HAT1: variants seen among roughly 807,000 people sequenced by gnomAD.
HAT1 encodes histone acetyltransferase type B catalytic subunit.
In HAT1, 20 loss-of-function variants were observed where a neutral mutation model predicts 56.6. The ratio of observed to expected loss-of-function variants is 0.35; its 90% CI spans 0.25 to 0.51. The LOEUF is 0.51. Ranked by LOEUF, HAT1 falls within the 20% of genes least tolerant of loss-of-function variation. The probability of loss-of-function intolerance (pLI) is 0.95; values close to 1 mark genes in which losing one functional copy is unlikely to be tolerated. For synonymous variants in HAT1, 146 were observed against 165.5 expected, an observed-to-expected ratio of 0.88 and a Z score of 0.91; for missense variants, 408 against 504.3, an observed-to-expected ratio of 0.81 and a Z score of 1.83.
intron 4 of HAT1, among the ~76,000 whole-genome samples, chr2:171,955,005 A>G (rs760538281): frequency 1.3e-5 from 2 of 152,194 alleles, no homozygotes; most frequent in Non-Finnish European, 2.9e-5. Context: ...GAAGAAAGGA[A>G]CAGATTCCCT....
At chr2:171,977,654 C>G (rs1471435858) in intron 9 of HAT1, among the ~76,000 whole-genome samples, 1 of 147,844 alleles carries the variant, frequency 6.8e-6, no homozygotes, top group African/African-American at 2.5e-5. Context: ...CTGGACCCTG[C>G]CTACCTTGCT....
At chr2:171,968,270 C>T (rs1687729530) in intron 8 of HAT1, among the ~76,000 whole-genome samples, 1 of 152,130 alleles carries the variant, frequency 6.6e-6, no homozygotes, top group African/African-American at 2.4e-5. Flanking sequence ...CAGACTATGT[C>T]ACTTCTTTTA....
At chr2:171,973,018 G>A (rs1424207201) in intron 8 of HAT1, among the ~76,000 whole-genome samples, 1 of 152,126 alleles carries the variant, frequency 6.6e-6, no homozygotes, top group African/African-American at 2.4e-5. Flanking sequence ...GAGCTGTTCT[G>A]TGCCTTTGTA....
At chr2:171,944,970 C>T in intron 2 of HAT1, among the ~76,000 whole-genome samples, 1 of 152,060 alleles carries the variant, frequency 6.6e-6, no homozygotes, top group East Asian at 1.9e-4. Flanking sequence ...CTCCCAGGTT[C>T]AAGCGATTCT....
At chr2:171,939,526 G>A (rs959035606) in intron 2 of HAT1, among the ~76,000 whole-genome samples, 7 of 152,146 alleles carry the variant, frequency 4.6e-5, no homozygotes, top group African/African-American at 7.2e-5. Context: ...TCTCTGGAGC[G>A]GCTGTTGTAA....
Position 171,966,414 on chromosome 2 carries a change from A to G in HAT1, c.617A>G (p.Glu206Gly), listed in dbSNP as rs775308042. Residue 206 changes from glutamate to glycine, a missense_variant, in exon 7 of 11, where the codon GAG becomes GGG. Coordinates refer to ENST00000264108, the MANE Select transcript of HAT1 (RefSeq NM_003642.4). ...DERWHYFLVF[E>G]KYNKDGATLF... The stretch of plus-strand genomic sequence containing the variant: ...GCTTTCTGTTTTATCTGCAGATTTG[A>G]GAAGTATAATAAGGATGGAGCTACG... 1 of 1,527,984 alleles carries G rather than the reference A, an allele frequency of 6.5e-7. No individual in the cohort carries two copies. The highest frequency in any genetic ancestry group is 9.1e-7 in the Non-Finnish European group (1 of 1,101,340). 94.7% of individuals were successfully genotyped at this position (1,527,984 alleles called of 1,614,324 possible).
chr2:171,976,572 G>A (rs745640982), intron 9 of HAT1, among the ~76,000 whole-genome samples: 1 of 152,064 alleles, frequency 6.6e-6, no homozygotes, highest in Non-Finnish European at 1.5e-5. Context: ...GCTATATTAA[G>A]CATAACAAGC....
chr2:171,932,463 T>C (rs1298288271), intron 2 of HAT1, among the ~76,000 whole-genome samples: 2 of 152,232 alleles, frequency 1.3e-5, no homozygotes, highest in Non-Finnish European at 2.9e-5. Context: ...TGTTCTGATC[T>C]TCTGTTTCTT....
At chr2:171,923,190 T>TA (rs1469040892) in intron 1 of HAT1, 1 of 152,266 alleles carries the variant, frequency 6.6e-6, no homozygotes, top group Non-Finnish European at 1.5e-5. Context: ...TAATAATGTA[T>TA]AATTGCTATT....
intron 4 of HAT1, among the ~76,000 whole-genome samples, chr2:171,953,308 T>G (rs1215782044): frequency 1.3e-5 from 2 of 151,972 alleles, no homozygotes; most frequent in Non-Finnish European, 2.9e-5. Flanking sequence ...ATCATGCCAC[T>G]GTACTACAGC....
chr2:171,962,943 G>C (rs975086835), intron 4 of HAT1, among the ~76,000 whole-genome samples: 2 of 151,976 alleles, frequency 1.3e-5, no homozygotes, highest in African/African-American at 4.8e-5. Context: ...TCTTGCTCTT[G>C]TGCTGATTTT....
intron 3 of HAT1, among the ~76,000 whole-genome samples, chr2:171,952,208 C>T (rs907443477): frequency 1.3e-5 from 2 of 152,202 alleles, no homozygotes; most frequent in African/African-American, 4.8e-5. Flanking sequence ...TTTACCCTGA[C>T]CCCTAGTCTT....
At position 171,932,293 on chromosome 2, in the gene HAT1, T is replaced by C. The variant is rs577653923; in HGVS notation, c.112+6652T>C. 2.6e-5 allele frequency among the ~76,000 whole-genome samples: 4 copies of C among 152,318 alleles called. No individual in the cohort carries two copies. The East Asian group carries it at 7.7e-4, about 29-fold the overall frequency. ...ATCAAGGTTTCCTGGCCTCATAAAATGAGTTGGGAACTGTTTCTTCTCTAT... is the reference window on the plus strand; with the variant it reads ...ATCAAGGTTTCCTGGCCTCATAAAACGAGTTGGGAACTGTTTCTTCTCTAT... On this transcript the variant is annotated intron_variant, in intron 2 of 10. Transcript: ENST00000264108.
intron 9 of HAT1, among the ~76,000 whole-genome samples, chr2:171,977,536 TA>T (rs1688001728): frequency 6.8e-5 from 1 of 14,752 alleles, no homozygotes; most frequent in Non-Finnish European, 1.3e-4. Context: ...TATATATATA[TA>T]TATATATATA....
intron 3 of HAT1, among the ~76,000 whole-genome samples, chr2:171,950,154 G>A (rs1303906879): frequency 6.6e-6 from 1 of 151,958 alleles, no homozygotes; most frequent in African/African-American, 2.4e-5. Flanking sequence ...TTAATGTGTG[G>A]GGGTTTTGGG....
At chr2:171,925,971 G>T (rs10179799) in intron 2 of HAT1, among the ~76,000 whole-genome samples, 46 of 152,098 alleles carry the variant, frequency 3.0e-4, no homozygotes, top group African/African-American at 1.1e-3. Flanking sequence ...TGAGGATGTG[G>T]AAAAAAACAC....
intron 4 of HAT1, among the ~76,000 whole-genome samples, chr2:171,954,893 C>T (rs1319861134): frequency 1.3e-5 from 2 of 152,076 alleles, no homozygotes; most frequent in African/African-American, 2.4e-5. Context: ...GAGAGGGAGA[C>T]AGAAGGAAAC....
intron 2 of HAT1, among the ~76,000 whole-genome samples, chr2:171,940,457 G>A (rs1025016070): frequency 1.3e-5 from 2 of 152,098 alleles, no homozygotes; most frequent in African/African-American, 4.8e-5. Context: ...TTTTGAATTC[G>A]AGCCTCTCCT....
chr2:171,969,415 T>A (rs1687760939), intron 8 of HAT1, among the ~76,000 whole-genome samples: 1 of 152,212 alleles, frequency 6.6e-6, no homozygotes, highest in Non-Finnish European at 1.5e-5. Context: ...TTATCACTAA[T>A]ATGTATGTTA....
Sources: gnomAD v4.1 joint callset for allele counts (sites outside exome capture counted in the v4.1 genomes callset) on GRCh38, gnomAD v4.1.1 for gene constraint, MANE v1.5 for transcripts, NCBI Gene and HGNC (gene_info 2026-07-23, HGNC 2026-07-21) for gene names.